Variants in LIMS2 observed in about 807,000 individuals in gnomAD.
LIMS2 encodes the protein LIM zinc finger domain containing 2.
In LIMS2, 30 loss-of-function variants were observed where a neutral mutation model predicts 45.3. That is an observed-to-expected ratio of 0.66 (90% CI 0.50 to 0.90). The LOEUF (loss-of-function observed/expected upper bound fraction) is 0.90. LIMS2 is among the 40% of genes least tolerant of loss of function. The pLI is 0.00. For missense variants in LIMS2, 485 were observed against 468.7 expected, an observed-to-expected ratio of 1.03 and a Z score of -0.32; for synonymous variants, 173 against 188.0, an observed-to-expected ratio of 0.92 and a Z score of 0.65.
At chr2:127,668,059 A>G (rs1230799252) in intron 1 of LIMS2, among the ~76,000 whole-genome samples, 2 of 152,248 alleles carry the variant, frequency 1.3e-5, no homozygotes, top group South Asian at 2.1e-4. Context: ...AAATAAAACA[A>G]CCCCATTTGG....
intron 4 of LIMS2, among the ~76,000 whole-genome samples, chr2:127,646,970 A>C (rs933017039): frequency 6.6e-6 from 1 of 152,218 alleles, no homozygotes; most frequent in Non-Finnish European, 1.5e-5. Flanking sequence ...AAAGCTGTTT[A>C]AAATGGAGTC....
At chr2:127,668,713 AC>A (rs1685152512) in intron 1 of LIMS2, among the ~76,000 whole-genome samples, 2 of 101,998 alleles carry the variant, frequency 2.0e-5, no homozygotes, top group African/African-American at 8.4e-5. Flanking sequence ...AAAAAAAAAC[AC>A]CTTACTTAAA....
In LIMS2 at chr2:127,671,521, T is replaced by G. The variant is rs1009470890; in HGVS notation, c.11+3493A>C. ...CCCGCTGTGGATAGAAAGCCCGGGC[T>G]CCTCTCCCCAGTGGCTCCCTGGGCT... On this transcript the variant is annotated intron_variant, in intron 1 of 9. Transcript: ENST00000355119. The surrounding 1 kb of genome is among the most constrained non-coding windows in gnomAD (Gnocchi z 4.1). Among the ~76,000 whole-genome samples, 12 of 151,870 alleles carry G rather than the reference T, an allele frequency of 7.9e-5. No individual in the cohort carries two copies. The highest frequency in any genetic ancestry group is 5.9e-5 in the Non-Finnish European group (4 of 67,966).
intron 1 of LIMS2, chr2:127,674,813 G>A (rs1454291853): frequency 3.0e-6 from 3 of 985,370 alleles, no homozygotes; most frequent in Non-Finnish European, 2.4e-6. Flanking sequence ...CGCTGCAGGC[G>A]CTCGCCCAGA....
In LIMS2 at chr2:127,675,000, G is replaced by A; in HGVS notation, c.11+14C>T. On this transcript the variant is annotated intron_variant, in intron 1 of 9. Coordinates refer to ENST00000355119, the MANE Select transcript of LIMS2 (RefSeq NM_001161403.3). The stretch of plus-strand genomic sequence containing the variant: ...CCGCCTCCCCGGCCCGGGGGCGTGG[G>A]TGGGGGCCGTTACCTTCCCGTCATG... 8.1e-7 allele frequency: 1 copy of A among 1,229,772 alleles called. No homozygotes were observed. 76.2% of individuals were successfully genotyped at this position (1,229,772 alleles called of 1,614,324 possible). A position where few individuals can be genotyped will look rare whatever the true frequency, so the allele number is the denominator to read the frequency against.
At chr2:127,659,690 G>T (rs1371650948) in intron 1 of LIMS2, among the ~76,000 whole-genome samples, 1 of 152,228 alleles carries the variant, frequency 6.6e-6, no homozygotes, top group Non-Finnish European at 1.5e-5. Context: ...CTCACTCCAA[G>T]GACCCAGAAA....
At position 127,654,714 on chromosome 2, in the gene LIMS2, A is replaced by C. The variant is rs1684130045; in HGVS notation, c.238+116T>G. ...CTGACGGCTGCCGCTCAGAGAGGCA[A>C]GGTGGGGAGTTAGGAAAGAGCTGGG... On this transcript the variant is annotated intron_variant, in intron 3 of 9. Transcript: ENST00000355119. The C allele has an allele frequency of 4.8e-6, 7 of 1,460,584 alleles. No individual in the cohort carries two copies. In the South Asian group the frequency reaches 8.3e-5, roughly 17 times the overall value. 90.5% of individuals were successfully genotyped at this position (1,460,584 alleles called of 1,614,324 possible). A position where few individuals can be genotyped will look rare whatever the true frequency, so the allele number is the denominator to read the frequency against.
chr2:127,654,046 G>A (rs1684060815), intron 4 of LIMS2, among the ~76,000 whole-genome samples: 1 of 152,058 alleles, frequency 6.6e-6, no homozygotes, highest in Non-Finnish European at 1.5e-5. Flanking sequence ...AACTTCTGGA[G>A]TACCCATGAG....
At chr2:127,663,410 C>T (rs750850018) in intron 1 of LIMS2, among the ~76,000 whole-genome samples, 8 of 152,214 alleles carry the variant, frequency 5.3e-5, no homozygotes, top group Admixed American at 2.6e-4. Flanking sequence ...CTGCAGTTCC[C>T]GCCCTCCACT....
chr2:127,642,870 G>A lies in LIMS2; in HGVS notation c.509+53C>T. The A allele has an allele frequency of 5.2e-6, 8 of 1,534,454 alleles. No individual in the cohort carries two copies. The highest frequency in any genetic ancestry group is 7.0e-6 in the Non-Finnish European group (8 of 1,136,862). On this transcript the variant is annotated intron_variant, in intron 5 of 9. Coordinates refer to ENST00000355119, the MANE Select transcript of LIMS2 (RefSeq NM_001161403.3). This position sits in a 1 kb window ranked among gnomAD's most constrained non-coding sequence, Gnocchi z 5.3. ...TGGAGGCCCCACCGCCCTTACCCTG[G>A]GCCAGCCCTGGCTCCCCGCCCCCAC... is the stretch of plus-strand genomic sequence containing the variant.
At chr2:127,652,958 T>G (rs1239081036) in intron 4 of LIMS2, among the ~76,000 whole-genome samples, 1 of 152,244 alleles carries the variant, frequency 6.6e-6, no homozygotes, top group Non-Finnish European at 1.5e-5. Context: ...AGTGGCCCTG[T>G]GCAAACCTTG....
Position 127,660,978 on chromosome 2 carries a change from G to T in LIMS2, c.12-3416C>A, listed in dbSNP as rs568785041. On this transcript the variant is annotated intron_variant, in intron 1 of 9. Transcript: ENST00000355119. ...CACCTCCTTCCTGTGCCCAGGGGCT[G>T]CCCCAGCCCAAGTCACAGAGAGCCC... Among the ~76,000 whole-genome samples the T allele has an allele frequency of 5.9e-5, 9 of 152,328 alleles. No individual in the cohort carries two copies. In the South Asian group the frequency reaches 1.9e-3, roughly 32 times the overall value.
At chr2:127,655,377 G>C (rs992937028) in intron 2 of LIMS2, 11 of 188,010 alleles carry the variant, frequency 5.9e-5, no homozygotes, top group African/African-American at 2.1e-4. Context: ...AGTGGGAAGA[G>C]CTCAGGGCTG....
At chr2:127,655,181 C>T (rs558886639) in intron 2 of LIMS2, 20 of 542,510 alleles carry the variant, frequency 3.7e-5, no homozygotes, top group Admixed American at 9.4e-5. Flanking sequence ...CCTGTTGGTC[C>T]GGAGAACAGG....
intron 1 of LIMS2, among the ~76,000 whole-genome samples, chr2:127,663,613 T>G (rs1475591443): frequency 6.6e-6 from 1 of 151,690 alleles, no homozygotes; most frequent in Non-Finnish European, 1.5e-5. Flanking sequence ...CTTATGTTCC[T>G]GGCTCCCTCC....
rs931077781 is a variant in LIMS2 at position 127,647,318 on chromosome 2, G to T, written c.360-4246C>A. The stretch of plus-strand genomic sequence containing the variant: ...ACTGAGTCACACTCCCCACCCTGGC[G>T]GTCTTCCAGGGAGTGAGACCGTTTC... On this transcript the variant is annotated intron_variant, in intron 4 of 9. Coordinates refer to ENST00000355119, the MANE Select transcript of LIMS2 (RefSeq NM_001161403.3). This position sits in a 1 kb window ranked among gnomAD's most constrained non-coding sequence, Gnocchi z 4.3. Among the ~76,000 whole-genome samples, 1 of 152,146 alleles carries T rather than the reference G, an allele frequency of 6.6e-6. No homozygotes were observed. The highest frequency in any genetic ancestry group is 2.4e-5 in the African/African-American group (1 of 41,432).
At position 127,650,371 on chromosome 2, in the gene LIMS2, C is replaced by T; in HGVS notation, c.359+4053G>A. 9.4e-6 allele frequency: 5 copies of T among 534,338 alleles called. No individual in the cohort carries two copies. In the South Asian group the frequency reaches 1.2e-4, roughly 13 times the overall value. 33.1% of individuals were successfully genotyped at this position (534,338 alleles called of 1,614,324 possible). ...CACCTCAGAGGCAGAACAGAAAACC[C>T]AGAGCCTCACCCAGGCAAGGCTCAC... is the stretch of plus-strand genomic sequence containing the variant. On this transcript the variant is annotated intron_variant, in intron 4 of 9. Coordinates refer to ENST00000355119, the MANE Select transcript of LIMS2 (RefSeq NM_001161403.3).
At position 127,640,179 on chromosome 2, in the gene LIMS2, C is replaced by T. The variant is rs375855122; in HGVS notation, c.803-34G>A. 941 of 1,612,496 alleles carry T rather than the reference C, an allele frequency of 5.8e-4. 10 individuals are homozygous for T. In the South Asian group the frequency reaches 9.1e-3, roughly 16 times the overall value. ...GAAGCGTGGGACTCAGCAGGCCTGG[C>T]TAGGCTGCCGCAGGCCCGGCTGGGC... On this transcript the variant is annotated intron_variant, in intron 8 of 9. Transcript: ENST00000355119.
chr2:127,665,109 A>G (rs567029775), intron 1 of LIMS2, among the ~76,000 whole-genome samples: 1 of 152,264 alleles, frequency 6.6e-6, no homozygotes, highest in East Asian at 1.9e-4. Context: ...ACCCAGAGAG[A>G]CTGGCAAAGT....
Sources: gnomAD v4.1 joint callset for allele counts (sites outside exome capture counted in the v4.1 genomes callset) on GRCh38, gnomAD v4.1.1 for gene constraint, Gnocchi (gnomAD v3.1) non-coding constraint, MANE v1.5 for transcripts, NCBI Gene and HGNC (gene_info 2026-07-23, HGNC 2026-07-21) for gene names.